The following GFRAL variants were observed in gnomAD, a reference collection of about 807,000 sequenced individuals.
GFRAL encodes the protein GDNF family receptor alpha like, also known as GDNF family receptor alpha-like.
A neutral mutation model predicts 45.4 loss-of-function variants in GFRAL; 36 were observed. The ratio of observed to expected loss-of-function variants is 0.79; its 90% CI spans 0.61 to 1.05. The LOEUF (loss-of-function observed/expected upper bound fraction) is 1.05, where lower values mean the gene tolerates loss of function less well. GFRAL is among the 50% of genes least tolerant of loss of function. The probability of loss-of-function intolerance (pLI) is 0.00; values close to 1 mark genes in which losing one functional copy is unlikely to be tolerated. For missense variants in GFRAL, 507 were observed against 467.5 expected (o/e 1.08, Z -0.78); for synonymous variants, 166 against 154.1 (o/e 1.08, Z -0.57).
chr6:55,329,373 T>G (rs1767802019), intron 1 of GFRAL, among the ~76,000 whole-genome samples: 1 of 152,182 alleles, frequency 6.6e-6, no homozygotes, highest in African/African-American at 2.4e-5. Context: ...CAACATGTAG[T>G]ATTTCTAAGT....
At chr6:55,363,576 A>C in intron 6 of GFRAL, among the ~76,000 whole-genome samples, 1 of 68,808 alleles carries the variant, frequency 1.5e-5, no homozygotes, top group Non-Finnish European at 2.7e-5. Context: ...TCCCGATGCT[A>C]TCCCTCCCCC....
intron 6 of GFRAL, among the ~76,000 whole-genome samples, chr6:55,392,156 A>G (rs1310690350): frequency 2.0e-5 from 3 of 152,158 alleles, no homozygotes; most frequent in Non-Finnish European, 4.4e-5. Flanking sequence ...AAGGACACCC[A>G]GAGTGCAAAT....
intron 3 of GFRAL, among the ~76,000 whole-genome samples, chr6:55,349,281 A>G (rs1768084669): frequency 6.6e-6 from 1 of 152,116 alleles, no homozygotes; most frequent in Non-Finnish European, 1.5e-5. Context: ...TCAGATTAGG[A>G]CATAATCATG....
At chr6:55,389,291 C>G (rs1768717769) in intron 6 of GFRAL, among the ~76,000 whole-genome samples, 1 of 152,102 alleles carries the variant, frequency 6.6e-6, no homozygotes, top group Non-Finnish European at 1.5e-5. Context: ...GTTGTTCCCT[C>G]TATGTGTCTG....
intron 3 of GFRAL, among the ~76,000 whole-genome samples, chr6:55,349,594 G>C (rs1035098226): frequency 6.6e-6 from 1 of 151,936 alleles, no homozygotes; most frequent in African/African-American, 2.4e-5. Flanking sequence ...CATTTTCGTT[G>C]ATGAGATTTT....
At chr6:55,360,576 A>C (rs1471892406) in intron 6 of GFRAL, among the ~76,000 whole-genome samples, 1 of 152,006 alleles carries the variant, frequency 6.6e-6, no homozygotes, top group Non-Finnish European at 1.5e-5. Flanking sequence ...TTTGATTTCG[A>C]CAGTGTTTTC....
In GFRAL at chr6:55,355,636, G is replaced by A. The variant is rs555886272; in HGVS notation, c.702-3252G>A. ...TAAGAGTTCCTTGGTGGAGTCTTTG[G>A]GTCTTTTCAAATATAAAATTATATA... On this transcript the variant is annotated intron_variant, in intron 5 of 8. Transcript: ENST00000340465. Among the ~76,000 whole-genome samples the A allele has an allele frequency of 2.0e-5, 3 of 151,852 alleles. No individual in the cohort carries two copies. In the South Asian group the frequency reaches 6.2e-4, roughly 32 times the overall value.
In GFRAL at chr6:55,351,275, T is replaced by C; in HGVS notation, c.393T>C (p.Cys131=). The change falls in exon 5 of 9, where the codon TGT becomes TGC. Residue 131 remains cysteine, a synonymous_variant. Coordinates refer to ENST00000340465, the MANE Select transcript of GFRAL (RefSeq NM_207410.2). ...SHHGFKGMWS[C]LEVAEACVGD... ...CAGGATTCAAAGGGATGTGGTCCTGTTTGGAAGTGGCAGAGGCATGTGTAG... is the reference window on the plus strand; with the variant it reads ...CAGGATTCAAAGGGATGTGGTCCTGCTTGGAAGTGGCAGAGGCATGTGTAG... 1 of 1,599,712 alleles carries C rather than the reference T, an allele frequency of 6.3e-7. No homozygotes were observed. Among genetic ancestry groups the C allele is most frequent in the Non-Finnish European group, 8.5e-7 (1 of 1,170,300 alleles).
At chr6:55,384,992 T>A (rs1768660779) in intron 6 of GFRAL, among the ~76,000 whole-genome samples, 1 of 152,042 alleles carries the variant, frequency 6.6e-6, no homozygotes, top group Admixed American at 6.6e-5. Flanking sequence ...AGCCTATAGA[T>A]GAGATCCACC....
chr6:55,391,960 CTTG>C (rs1768760014), intron 6 of GFRAL, among the ~76,000 whole-genome samples: 1 of 152,146 alleles, frequency 6.6e-6, no homozygotes, highest in Non-Finnish European at 1.5e-5. Context: ...TAGTTTTTAT[CTTG>C]TTAAGCCTAA....
chr6:55,360,125 T>C (rs1374075012), intron 6 of GFRAL, among the ~76,000 whole-genome samples: 2 of 151,996 alleles, frequency 1.3e-5, no homozygotes, highest in Admixed American at 1.3e-4. Flanking sequence ...GAGCTAATGG[T>C]CAAGAAGGAC....
chr6:55,331,621 C>T (rs1767830357), intron 1 of GFRAL, 94 bp from the exon 2 acceptor site: 8 of 1,122,398 alleles, frequency 7.1e-6, no homozygotes, highest in Non-Finnish European at 1.0e-5. Context: ...ATGTTATTTT[C>T]CATAATTCTG....
chr6:55,351,309 G>T lies in GFRAL; in HGVS notation c.427G>T (p.Val143Phe). The T allele has an allele frequency of 6.2e-7, 1 of 1,613,178 alleles. No individual in the cohort carries two copies. Among genetic ancestry groups the T allele is most frequent in the Admixed American group, 1.7e-5 (1 of 59,936 alleles). Residue 143 changes from valine (V) to phenylalanine (F), a missense_variant, in exon 5 of 9, where the codon GTC becomes TTC. Transcript: ENST00000340465. ...GGCAGAGGCATGTGTAGGGGATGTG[G>T]TCTGTAATGCACAGTTGGCCTCTTA... ...EVAEACVGDV[V>F]CNAQLASYLK... is the part of the protein sequence containing the mutation.
intron 8 of GFRAL, among the ~76,000 whole-genome samples, chr6:55,399,909 A>C (rs115974124): frequency 0.018 from 2,679 of 152,252 alleles, 41 homozygotes; most frequent in South Asian, 0.034. Flanking sequence ...CAATTATTGA[A>C]AAAGACATTT....
chr6:55,395,960 T>TA lies in GFRAL; in HGVS notation c.953-3218dup, dbSNP rs569408989. On this transcript the variant is annotated intron_variant, in intron 6 of 8. Transcript: ENST00000340465. ...TGTTTAATTTCTCCAGGGTACAAGT[T>TA]AAGATAAACAAGTCACTGACAGTGT... is the stretch of plus-strand genomic sequence containing the variant. 6.0e-3 allele frequency among the ~76,000 whole-genome samples: 918 copies of TA among 152,234 alleles called. 11 individuals carry two copies. The highest frequency in any genetic ancestry group is 0.019 in the African/African-American group (803 of 41,538).
intron 3 of GFRAL, among the ~76,000 whole-genome samples, chr6:55,339,074 C>T (rs1257735582): frequency 6.6e-6 from 1 of 152,002 alleles, no homozygotes; most frequent in Non-Finnish European, 1.5e-5. Flanking sequence ...GGCACCGGTC[C>T]TGAGAATTAT....
At chr6:55,347,364 G>C (rs909406431) in intron 3 of GFRAL, among the ~76,000 whole-genome samples, 2 of 152,048 alleles carry the variant, frequency 1.3e-5, no homozygotes, top group African/African-American at 2.4e-5. Flanking sequence ...TTGGAGTGTC[G>C]GTGAAGGTCA....
intron 6 of GFRAL, among the ~76,000 whole-genome samples, chr6:55,391,499 C>T (rs1173149161): frequency 6.6e-6 from 1 of 152,116 alleles, no homozygotes; most frequent in Non-Finnish European, 1.5e-5. Context: ...CCATGTAATC[C>T]TAGAGCTTTG....
At chr6:55,362,376 C>A (rs1216609185) in intron 6 of GFRAL, among the ~76,000 whole-genome samples, 1 of 151,888 alleles carries the variant, frequency 6.6e-6, no homozygotes, top group Non-Finnish European at 1.5e-5. Flanking sequence ...TAGTTCTGTT[C>A]TGAGAACTAA....
Sources: gnomAD v4.1 joint callset for allele counts (sites outside exome capture counted in the v4.1 genomes callset) on GRCh38, gnomAD v4.1.1 for gene constraint, MANE v1.5 for transcripts, NCBI Gene and HGNC (gene_info 2026-07-23, HGNC 2026-07-21) for gene names.